The following PDE10A variants were observed in gnomAD, a reference collection of about 807,000 sequenced individuals.
The protein encoded by PDE10A is phosphodiesterase 10A.
Under a neutral mutation model 97.7 loss-of-function variants are expected in PDE10A, and 39 were observed. The ratio of observed to expected loss-of-function variants is 0.40; its 90% CI spans 0.31 to 0.52. PDE10A has a LOEUF of 0.52. Ranked by LOEUF, PDE10A falls within the 20% of genes least tolerant of loss-of-function variation. The probability of loss-of-function intolerance (pLI) is 0.56; values close to 1 mark genes in which losing one functional copy is unlikely to be tolerated. For missense variants in PDE10A, 731 were observed against 1,047.8 expected (o/e 0.70, Z 4.17); for synonymous variants, 371 against 376.8 (o/e 0.98, Z 0.18).
intron 1 of PDE10A, among the ~76,000 whole-genome samples, chr6:165,599,163 C>T (rs1786785394): frequency 1.3e-5 from 2 of 152,216 alleles, no homozygotes; most frequent in South Asian, 4.1e-4. Flanking sequence ...CCAACTCCTC[C>T]ACTACTGTGA....
intron 1 of PDE10A, among the ~76,000 whole-genome samples, chr6:165,607,954 A>G (rs1787291801): frequency 6.6e-6 from 1 of 151,996 alleles, no homozygotes; most frequent in African/African-American, 2.4e-5. Flanking sequence ...AACGACCCAC[A>G]TGACTCTGAG....
intron 1 of PDE10A, among the ~76,000 whole-genome samples, chr6:165,697,146 A>G (rs572902850): frequency 6.6e-6 from 1 of 152,372 alleles, no homozygotes; most frequent in Admixed American, 6.5e-5. Flanking sequence ...AATTTACTGA[A>G]AAATGGTAAC....
chr6:165,329,592 T>C lies in PDE10A; in HGVS notation c.*3433A>G, dbSNP rs1781229751. On this transcript the variant is annotated 3_prime_UTR_variant, in exon 22 of 22. Transcript: ENST00000539869. ...AGGTATCTAAGGATTTATGCATCTATTTATATCCTGTACAATACAGGATTT... is the reference window on the plus strand; with the variant it reads ...AGGTATCTAAGGATTTATGCATCTACTTATATCCTGTACAATACAGGATTT... 6.6e-6 allele frequency: 1 copy of C among 152,188 alleles called. No homozygotes were observed. The highest frequency in any genetic ancestry group is 1.5e-5 in the Non-Finnish European group (1 of 68,042). 9.4% of individuals were successfully genotyped at this position (152,188 alleles called of 1,614,324 possible).
At chr6:165,581,075 T>C (rs1015529128) in intron 1 of PDE10A, among the ~76,000 whole-genome samples, 1 of 152,228 alleles carries the variant, frequency 6.6e-6, no homozygotes, top group African/African-American at 2.4e-5. Flanking sequence ...TTTAGATCCA[T>C]TATGGTGACA....
At chr6:165,940,607 CG>C (rs1783485220) in intron 1 of PDE10A, 1 of 152,308 alleles carries the variant, frequency 6.6e-6, no homozygotes, top group Admixed American at 6.5e-5. Flanking sequence ...ACGGGGCTCA[CG>C]TTCGCGTTTC....
At chr6:165,688,572 G>A (rs938875759) in intron 1 of PDE10A, among the ~76,000 whole-genome samples, 6 of 152,240 alleles carry the variant, frequency 3.9e-5, no homozygotes, top group East Asian at 3.9e-4. Context: ...ATTCTGATTC[G>A]CAACTGTTGG....
intron 2 of PDE10A, among the ~76,000 whole-genome samples, chr6:165,522,824 A>T (rs1782209837): frequency 6.6e-6 from 1 of 152,160 alleles, no homozygotes; most frequent in South Asian, 2.1e-4. Context: ...TAGGAAAAGA[A>T]GTCAAATTAT....
At chr6:165,507,149 T>C (rs1275765145) in intron 2 of PDE10A, among the ~76,000 whole-genome samples, 1 of 152,120 alleles carries the variant, frequency 6.6e-6, no homozygotes, top group Non-Finnish European at 1.5e-5. Context: ...TGAAATTTTG[T>C]CCTATATCTC....
rs564790918 is a variant in PDE10A, at chr6:165,963,171, C to T, written c.-615+24358G>A. 3.3e-5 allele frequency among the ~76,000 whole-genome samples: 5 copies of T among 152,320 alleles called. No individual in the cohort carries two copies. In the East Asian group the frequency reaches 5.8e-4, roughly 18 times the overall value. On this transcript the variant is annotated intron_variant, in intron 1 of 19. Coordinates refer to the PDE10A transcript ENST00000366882. ...AATCAAGATTTGTGTTAGATCCCCC[C>T]ACACCCTAATATATATCACATACAC...
chr6:165,624,188 C>T (rs916966570), intron 1 of PDE10A, among the ~76,000 whole-genome samples: 1 of 152,244 alleles, frequency 6.6e-6, no homozygotes, highest in African/African-American at 2.4e-5. Flanking sequence ...TGTCCCTCCT[C>T]TGGCCCAGGC....
rs985558192 is a variant in PDE10A, at chr6:165,443,639, T to G, written c.1194+5289A>C. Among the ~76,000 whole-genome samples the G allele has an allele frequency of 1.5e-4, 23 of 152,234 alleles. 1 individual carries two copies. Among genetic ancestry groups the G allele is most frequent in the African/African-American group, 5.5e-4 (23 of 41,470 alleles). ...CAAATCCCACATTTCTCCTCTGCAC[T>G]GCACTAGCAGAGGTTCTCCGTGAGG... is the stretch of plus-strand genomic sequence containing the variant. On this transcript the variant is annotated intron_variant, in intron 5 of 21. Transcript: ENST00000539869.
chr6:165,450,859 G>C (rs79006897), intron 3 of PDE10A, among the ~76,000 whole-genome samples: 1 of 152,002 alleles, frequency 6.6e-6, no homozygotes, highest in South Asian at 2.1e-4. Flanking sequence ...CACTGCACCC[G>C]GCCGACTTCT....
At chr6:165,947,895 G>T (rs1252560385) in intron 1 of PDE10A, among the ~76,000 whole-genome samples, 2 of 152,056 alleles carry the variant, frequency 1.3e-5, no homozygotes, top group African/African-American at 4.8e-5. Context: ...ATGGCCTTCT[G>T]AAAGGGCAGC....
intron 1 of PDE10A, among the ~76,000 whole-genome samples, chr6:165,730,611 G>A (rs1235743008): frequency 6.6e-6 from 1 of 151,092 alleles, no homozygotes; most frequent in Non-Finnish European, 1.5e-5. Context: ...AAATTAACTG[G>A]GCATGGTAGC....
At chr6:165,903,117 G>C (rs995202655) in intron 1 of PDE10A, among the ~76,000 whole-genome samples, 1 of 152,152 alleles carries the variant, frequency 6.6e-6, no homozygotes, top group Non-Finnish European at 1.5e-5. Flanking sequence ...TAAAATTGAG[G>C]TATGATAAAG....
At chr6:165,406,438 A>G (rs75991762) in intron 13 of PDE10A, among the ~76,000 whole-genome samples, 2,249 of 152,266 alleles carry the variant, frequency 0.015, 67 homozygotes, top group African/African-American at 0.05. Flanking sequence ...TTTAATTTAC[A>G]TAATTCTCCT....
chr6:165,395,314 C>G (rs745740824), intron 14 of PDE10A, 50 bp from the exon 15 acceptor site: 2 of 1,241,318 alleles, frequency 1.6e-6, no homozygotes, highest in Non-Finnish European at 2.4e-6. Flanking sequence ...AGAATAAACA[C>G]AGTAAGTAAA....
At chr6:165,584,767 A>G (rs1583589091) in intron 1 of PDE10A, among the ~76,000 whole-genome samples, 1 of 151,786 alleles carries the variant, frequency 6.6e-6, no homozygotes, top group East Asian at 1.9e-4. Context: ...AAAACCAACA[A>G]CCCCTTTCAG....
At chr6:165,745,609 AACTT>A (rs1792825920) in intron 1 of PDE10A, among the ~76,000 whole-genome samples, 1 of 152,228 alleles carries the variant, frequency 6.6e-6, no homozygotes, top group African/African-American at 2.4e-5. Context: ...TATAATATAA[AACTT>A]AGTCAGATAA....
Sources: allele counts gnomAD v4.1 joint callset (sites outside exome capture counted in the v4.1 genomes callset), GRCh38; gene constraint gnomAD v4.1.1; transcripts MANE v1.5; gene names NCBI Gene and HGNC (gene_info 2026-07-23, HGNC 2026-07-21).